The following INSL6 variants were observed in gnomAD, a reference collection of about 807,000 sequenced individuals.
The protein encoded by INSL6 is insulin-like peptide INSL6.
Under a neutral mutation model 9.4 loss-of-function variants are expected in INSL6, and 16 were observed. That is an observed-to-expected ratio of 1.70 (90% CI 1.15 to 2.59). INSL6 has a LOEUF of 2.59. Among genes scored for constraint, INSL6 ranks in the 30% most tolerant of loss-of-function variants. The pLI, the probability that INSL6 is intolerant of heterozygous loss-of-function variation, is 0.00. For synonymous variants in INSL6, 154 were observed against 96.9 expected (o/e 1.59, Z -3.46); for missense variants, 391 against 257.3 (o/e 1.52, Z -3.56).
At chr9:5,179,882 G>C (rs1825407522) in intron 1 of INSL6, among the ~76,000 whole-genome samples, 1 of 152,158 alleles carries the variant, frequency 6.6e-6, no homozygotes, top group South Asian at 2.1e-4. Flanking sequence ...AGGAGGAATA[G>C]CTAATGGATG....
the INSL6 span, among the ~76,000 whole-genome samples, chr9:5,036,517 A>G: frequency 1.8e-4 from 27 of 152,236 alleles, no homozygotes; most frequent in Non-Finnish European, 1.8e-4. Flanking sequence ...TGGTACTGGT[A>G]TCAAAACAGA....
chr9:5,029,794 G>A, the INSL6 span: 2 of 1,610,314 alleles, frequency 1.2e-6, no homozygotes, highest in Non-Finnish European at 8.5e-7. Flanking sequence ...TATCACACCT[G>A]TGTATCATAA....
At chr9:5,086,401 G>A in the INSL6 span, among the ~76,000 whole-genome samples, 1 of 152,180 alleles carries the variant, frequency 6.6e-6, no homozygotes, top group Non-Finnish European at 1.5e-5. Flanking sequence ...ATGGGATTCA[G>A]AGATCAGGAT....
the INSL6 span, chr9:5,111,879 C>G: frequency 2.7e-6 from 1 of 374,994 alleles, no homozygotes; most frequent in African/African-American, 2.2e-5. Flanking sequence ...GGACCACAGC[C>G]AGCAGCTCTG....
the INSL6 span, among the ~76,000 whole-genome samples, chr9:5,116,472 A>T: frequency 7.2e-4 from 110 of 152,336 alleles, no homozygotes; most frequent in Non-Finnish European, 1.3e-3. Flanking sequence ...GACTCATCTA[A>T]AAATAATCAT....
the INSL6 span, among the ~76,000 whole-genome samples, chr9:5,074,535 CCAAA>C: frequency 1.3e-5 from 2 of 151,964 alleles, no homozygotes. Flanking sequence ...CTGGGGTGTC[CCAAA>C]CAGAGAGAAT....
At chr9:5,148,016 T>C (rs554507601) in intron 2 of INSL6, among the ~76,000 whole-genome samples, 90 of 152,350 alleles carry the variant, frequency 5.9e-4, no homozygotes, top group African/African-American at 2.0e-3. Flanking sequence ...GCCATCCAGA[T>C]TCTGAATTCC....
At chr9:5,161,874 G>T (rs1367077663), downstream of INSL6, among the ~76,000 whole-genome samples, 2 of 151,964 alleles carry the variant, frequency 1.3e-5, no homozygotes, top group African/African-American at 4.8e-5. Context: ...GAGGCCAGGA[G>T]CCCGGAGACC....
the INSL6 span, chr9:5,072,496 A>G: frequency 6.4e-7 from 1 of 1,563,746 alleles, no homozygotes. Context: ...TTGAAGAATG[A>G]AAGCCTTGGC....
chr9:5,134,951 C>G (rs777016815), intron 2 of INSL6, among the ~76,000 whole-genome samples: 23 of 152,182 alleles, frequency 1.5e-4, no homozygotes, highest in African/African-American at 5.3e-4. Flanking sequence ...AGCTCACATG[C>G]AAAGACACAC....
At chr9:5,167,703 G>A (rs761502555) in intron 1 of INSL6, among the ~76,000 whole-genome samples, 1 of 152,176 alleles carries the variant, frequency 6.6e-6, no homozygotes, top group Admixed American at 6.5e-5. Context: ...TCTGGAGAGG[G>A]AGATTTCTGC....
At chr9:5,077,713 G>A in the INSL6 span, 1 of 484,252 alleles carries the variant, frequency 2.1e-6, no homozygotes. Context: ...TGTGTTAGGT[G>A]ATAAAAAGAG....
chr9:5,058,813 T>C, the INSL6 span, among the ~76,000 whole-genome samples: 1 of 152,216 alleles, frequency 6.6e-6, no homozygotes, highest in African/African-American at 2.4e-5. Flanking sequence ...TCTTTTCATA[T>C]ATGTATTGCC....
the INSL6 span, chr9:5,085,694 G>A: frequency 1.6e-5 from 12 of 742,740 alleles, no homozygotes; most frequent in Admixed American, 2.0e-4. Flanking sequence ...TAACGTCATC[G>A]TGAACAAGAC....
chr9:5,176,521 A>G (rs1369944214), intron 1 of INSL6, among the ~76,000 whole-genome samples: 1 of 152,208 alleles, frequency 6.6e-6, no homozygotes, highest in African/African-American at 2.4e-5. Context: ...AAAAGAAAAA[A>G]TCATAAGACT....
At chr9:5,182,785 G>A (rs991729144) in intron 1 of INSL6, among the ~76,000 whole-genome samples, 2 of 152,120 alleles carry the variant, frequency 1.3e-5, no homozygotes, top group African/African-American at 4.8e-5. Context: ...TATCTCGGAA[G>A]CACAATACTC....
At chr9:5,052,501 C>T in the INSL6 span, among the ~76,000 whole-genome samples, 2 of 152,036 alleles carry the variant, frequency 1.3e-5, no homozygotes, top group African/African-American at 4.8e-5. Flanking sequence ...AGATAATTTA[C>T]AAATCATAAA....
At chr9:5,117,281 T>A in the INSL6 span, among the ~76,000 whole-genome samples, 1 of 152,236 alleles carries the variant, frequency 6.6e-6, no homozygotes, top group Non-Finnish European at 1.5e-5. Context: ...CAGTACATCA[T>A]GTTAATGAGT....
the INSL6 span, among the ~76,000 whole-genome samples, chr9:5,086,403 G>T: frequency 6.6e-6 from 1 of 152,192 alleles, no homozygotes; most frequent in African/African-American, 2.4e-5. Context: ...GGGATTCAGA[G>T]ATCAGGATCT....
Sources: allele counts gnomAD v4.1 joint callset (sites outside exome capture counted in the v4.1 genomes callset), GRCh38; gene constraint gnomAD v4.1.1; transcripts MANE v1.5; gene names NCBI Gene and HGNC (gene_info 2026-07-23, HGNC 2026-07-21).